The following NBAS variants were observed in gnomAD, a reference collection of about 807,000 sequenced individuals.
The protein encoded by NBAS is NBAS subunit of NRZ tethering complex, also known as NAG/BC035112 fusion.
Under a neutral mutation model 302.5 loss-of-function variants are expected in NBAS, and 219 were observed. The ratio of observed to expected loss-of-function variants is 0.72; its 90% CI spans 0.65 to 0.81. NBAS has a LOEUF of 0.81. Among genes scored for constraint, NBAS ranks in the 30% least tolerant of loss-of-function variants. The pLI is 0.00. For missense variants in NBAS, 2,932 were observed against 2,841.6 expected, an observed-to-expected ratio of 1.03 and a Z score of -0.72; for synonymous variants, 1,118 against 1,021.6, an observed-to-expected ratio of 1.09 and a Z score of -1.80.
intron 9 of NBAS, among the ~76,000 whole-genome samples, chr2:15,520,246 T>A (rs560999168): frequency 1.3e-5 from 2 of 152,054 alleles, no homozygotes; most frequent in Admixed American, 1.3e-4. Flanking sequence ...TTCAAAAAAT[T>A]AAAAAATTAG....
chr2:15,355,461 C>G (rs190762577), intron 33 of NBAS, among the ~76,000 whole-genome samples: 1 of 152,278 alleles, frequency 6.6e-6, no homozygotes. Context: ...TTTGGAGTTG[C>G]AAACCACTTC....
At chr2:15,092,231 C>T in the NBAS span, among the ~76,000 whole-genome samples, 4 of 152,298 alleles carry the variant, frequency 2.6e-5, no homozygotes, top group South Asian at 2.1e-4. Context: ...AGAAGGTACA[C>T]TTTCAAGGGT....
In NBAS at chr2:15,232,280, T is replaced by C. The variant is rs962933932; in HGVS notation, c.6236+142A>G. On this transcript the variant is annotated intron_variant, in intron 47 of 51. Transcript: ENST00000281513. ...GGTCAGCACAGAGCTAAGAATACCATGTCTCCAAGTGCAGAGCCGCTCCTT... is the reference window on the plus strand; with the variant it reads ...GGTCAGCACAGAGCTAAGAATACCACGTCTCCAAGTGCAGAGCCGCTCCTT... 101 of 733,694 alleles carry C rather than the reference T, an allele frequency of 1.4e-4. 2 individuals are homozygous for C. In the South Asian group the frequency reaches 1.6e-3, roughly 12 times the overall value. The allele number at this position is 733,694 out of a possible 1,614,324, so 45.4% of individuals were successfully genotyped here.
At chr2:14,921,621 A>T in the NBAS span, among the ~76,000 whole-genome samples, 2 of 152,206 alleles carry the variant, frequency 1.3e-5, no homozygotes, top group Non-Finnish European at 2.9e-5. Flanking sequence ...CTGAAGCATG[A>T]GGTGCCTGTC....
chr2:14,980,780 T>C, the NBAS span, among the ~76,000 whole-genome samples: 2 of 152,308 alleles, frequency 1.3e-5, no homozygotes, highest in East Asian at 3.9e-4. Flanking sequence ...TAAAAATAGC[T>C]GTTTAAAAAT....
chr2:15,527,646 G>C (rs1662976822), intron 9 of NBAS, among the ~76,000 whole-genome samples: 1 of 152,084 alleles, frequency 6.6e-6, no homozygotes, highest in African/African-American at 2.4e-5. Flanking sequence ...ATGTCTTAAA[G>C]CCCTCATGTC....
At chr2:15,200,098 C>T (rs4668883) in intron 48 of NBAS, among the ~76,000 whole-genome samples, 88,849 of 151,544 alleles carry the variant, frequency 0.59, 29,028 homozygotes, top group African/African-American at 0.87. Context: ...GGGGTCTCCC[C>T]ATGTTGCTCA....
At chr2:15,533,679 CGTGTGTGTGTGTGTGTGTGTGT>C (rs59222907) in intron 9 of NBAS, among the ~76,000 whole-genome samples, 174 of 144,008 alleles carry the variant, frequency 1.2e-3, no homozygotes, top group African/African-American at 2.5e-3. Flanking sequence ...GGGGGGTGTG[CGTGTGTGTGTGTGTGTGTGTGT>C]GTGTGTGTGT....
Position 15,417,688 on chromosome 2 carries a change from G to T in NBAS, c.2602C>A (p.Arg868=). The part of the protein sequence containing the change: ...RQVDCALSLI[R]LGMERNIPGL... ...GGAATATTCCGCTCCATCCCAAGTC[G>T]AATAAGTGACAATGCACAGTCCACC... The change falls in exon 24 of 52, where the codon CGA becomes AGA. Residue 868 remains arginine (R), a synonymous_variant. Transcript: ENST00000281513. 6.2e-7 allele frequency: 1 copy of T among 1,613,792 alleles called. No homozygotes were observed. Among genetic ancestry groups the T allele is most frequent in the Non-Finnish European group, 8.5e-7 (1 of 1,179,922 alleles).
At chr2:14,885,942 G>C in the NBAS span, among the ~76,000 whole-genome samples, 4 of 152,306 alleles carry the variant, frequency 2.6e-5, no homozygotes, top group East Asian at 7.7e-4. Context: ...ACGGAATAAA[G>C]GGTAAATGGG....
chr2:15,551,573 G>C (rs370703087), intron 5 of NBAS, 37 bp from the exon 6 acceptor site: 64 of 1,529,892 alleles, frequency 4.2e-5, no homozygotes, highest in Admixed American at 1.0e-4. Context: ...AAGTTTTATC[G>C]TAACACTGTA....
At chr2:15,457,320 CAAAGA>C (rs1679291926) in intron 21 of NBAS, among the ~76,000 whole-genome samples, 1 of 151,994 alleles carries the variant, frequency 6.6e-6, no homozygotes, top group African/African-American at 2.4e-5. Flanking sequence ...GTGGAGGAGT[CAAAGA>C]AAAGAGCAAA....
At chr2:14,911,384 G>A in the NBAS span, among the ~76,000 whole-genome samples, 4 of 152,140 alleles carry the variant, frequency 2.6e-5, no homozygotes, top group African/African-American at 9.7e-5. Context: ...TCTGACTCAG[G>A]AATCCATGAG....
chr2:15,342,198 T>G (rs1672886520), intron 35 of NBAS, among the ~76,000 whole-genome samples: 1 of 152,136 alleles, frequency 6.6e-6, no homozygotes, highest in South Asian at 2.1e-4. Flanking sequence ...GTACGTAGAA[T>G]GCACAGTGCA....
the NBAS span, among the ~76,000 whole-genome samples, chr2:14,918,073 G>A: frequency 1.2e-4 from 18 of 152,138 alleles, no homozygotes; most frequent in Non-Finnish European, 2.1e-4. Flanking sequence ...GTCTTTGTGA[G>A]CTTGTGAATA....
the NBAS span, among the ~76,000 whole-genome samples, chr2:14,947,965 A>T: frequency 6.6e-6 from 1 of 152,074 alleles, no homozygotes. Context: ...CCCTGGGATG[A>T]GTCCAGTTTG....
chr2:15,555,131 G>C (rs571894418), intron 3 of NBAS, among the ~76,000 whole-genome samples: 1 of 152,002 alleles, frequency 6.6e-6, no homozygotes, highest in South Asian at 2.1e-4. Context: ...TGTGCCTATA[G>C]TCGCAGCTAC....
At chr2:14,861,169 T>TA in the NBAS span, among the ~76,000 whole-genome samples, 5 of 152,332 alleles carry the variant, frequency 3.3e-5, no homozygotes, top group East Asian at 9.6e-4. Context: ...TCTATGCACT[T>TA]ACAACTCTAA....
chr2:15,232,516 G>GA lies in NBAS; in HGVS notation c.6147-6dup. 6.2e-7 allele frequency: 1 copy of GA among 1,612,010 alleles called. No homozygotes were observed. The highest frequency in any genetic ancestry group is 8.5e-7 in the Non-Finnish European group (1 of 1,178,798). On this transcript the variant is annotated splice_polypyrimidine_tract_variant and splice_region_variant and intron_variant, in intron 46 of 51. Transcript: ENST00000281513. ...CCAAGGTCAGCACTGCCACCACTGT[G>GA]AAAAGAGAGATAAACTGATTCAGAA... is the stretch of plus-strand genomic sequence containing the variant.
Sources: allele counts gnomAD v4.1 joint callset (sites outside exome capture counted in the v4.1 genomes callset), GRCh38; gene constraint gnomAD v4.1.1; transcripts MANE v1.5; gene names NCBI Gene and HGNC (gene_info 2026-07-23, HGNC 2026-07-21).